Variants in CNTN4 observed in about 807,000 individuals in gnomAD.
CNTN4 encodes contactin-4.
A neutral mutation model predicts 122.5 loss-of-function variants in CNTN4; 77 were observed. The observed-to-expected ratio is 0.63, with a 90% CI of 0.52 to 0.76. The LOEUF (loss-of-function observed/expected upper bound fraction) is 0.76, where lower values mean the gene tolerates loss of function less well. Ranked by LOEUF, CNTN4 falls within the 30% of genes least tolerant of loss-of-function variation. The pLI is 0.00. For missense variants in CNTN4, 1,256 were observed against 1,259.1 expected, an observed-to-expected ratio of 1.00 and a Z score of 0.04; for synonymous variants, 512 against 447.0, an observed-to-expected ratio of 1.15 and a Z score of -1.83.
intron 8 of CNTN4, among the ~76,000 whole-genome samples, chr3:2,882,242 G>A (rs957061517): frequency 1.3e-5 from 2 of 152,024 alleles, no homozygotes; most frequent in South Asian, 4.1e-4. Flanking sequence ...GTGCACAACT[G>A]TAGTCCTAGC....
intron 4 of CNTN4, among the ~76,000 whole-genome samples, chr3:2,572,208 G>A (rs573655753): frequency 1.1e-4 from 17 of 152,198 alleles, no homozygotes; most frequent in Non-Finnish European, 1.6e-4. Context: ...GTAACATGGC[G>A]AAAGCTCATC....
chr3:2,547,050 A>T (rs2078273592), intron 3 of CNTN4, among the ~76,000 whole-genome samples: 2 of 152,138 alleles, frequency 1.3e-5, no homozygotes, highest in Non-Finnish European at 2.9e-5. Context: ...GGAAAAGCTT[A>T]GCCACAGATT....
At chr3:2,808,851 C>T (rs2092535769) in intron 6 of CNTN4, among the ~76,000 whole-genome samples, 1 of 152,176 alleles carries the variant, frequency 6.6e-6, no homozygotes, top group Non-Finnish European at 1.5e-5. Flanking sequence ...GCTTCCCTGG[C>T]TATTGAGCAT....
chr3:2,163,464 C>T (rs964972567), intron 2 of CNTN4, among the ~76,000 whole-genome samples: 1 of 151,992 alleles, frequency 6.6e-6, no homozygotes, highest in Non-Finnish European at 1.5e-5. Context: ...TGACTAAGGA[C>T]CCAAAAGCAA....
At chr3:2,811,936 G>A (rs1007613802) in intron 6 of CNTN4, among the ~76,000 whole-genome samples, 3 of 152,122 alleles carry the variant, frequency 2.0e-5, no homozygotes, top group Admixed American at 2.0e-4. Flanking sequence ...AAAGTGCGGC[G>A]ATTACAGGCA....
At chr3:2,373,066 GATAA>G (rs747555070) in intron 3 of CNTN4, among the ~76,000 whole-genome samples, 1 of 151,966 alleles carries the variant, frequency 6.6e-6, no homozygotes, top group Non-Finnish European at 1.5e-5. Flanking sequence ...AATAAAATAA[GATAA>G]ATAGATTGAC....
intron 4 of CNTN4, among the ~76,000 whole-genome samples, chr3:2,700,028 C>T (rs190741719): frequency 6.6e-6 from 1 of 152,058 alleles, no homozygotes; most frequent in African/African-American, 2.4e-5. Context: ...TGAACATGAA[C>T]CTGTCCTTCT....
intron 4 of CNTN4, among the ~76,000 whole-genome samples, chr3:2,705,681 TTA>T (rs1226924082): frequency 1.1e-5 from 1 of 92,482 alleles, no homozygotes; most frequent in Non-Finnish European, 1.8e-5. Context: ...ATATTGTATA[TTA>T]TATATAAATA....
chr3:2,565,406 G>A (rs555214647), intron 3 of CNTN4, among the ~76,000 whole-genome samples: 72 of 152,258 alleles, frequency 4.7e-4, no homozygotes, highest in African/African-American at 1.5e-3. Flanking sequence ...GGTAGATAGA[G>A]TATAAAGCTG....
At chr3:2,746,681 C>G (rs2089787683) in intron 6 of CNTN4, among the ~76,000 whole-genome samples, 1 of 152,170 alleles carries the variant, frequency 6.6e-6, no homozygotes, top group African/African-American at 2.4e-5. Flanking sequence ...AACTCAACAT[C>G]CAATATACCT....
chr3:2,617,419 CTTTTTTTT>C (rs71058631), intron 4 of CNTN4, among the ~76,000 whole-genome samples: 1 of 108,528 alleles, frequency 9.2e-6, no homozygotes, highest in Non-Finnish European at 1.8e-5. Context: ...AGAGAAATGC[CTTTTTTTT>C]TTTTTTTTTT....
chr3:2,423,484 T>G (rs1430695106), intron 3 of CNTN4, among the ~76,000 whole-genome samples: 1 of 152,012 alleles, frequency 6.6e-6, no homozygotes, highest in East Asian at 1.9e-4. Flanking sequence ...AAACTTGTTT[T>G]TTTTTTTTTT....
At chr3:2,263,008 G>C (rs2040898100) in intron 2 of CNTN4, among the ~76,000 whole-genome samples, 1 of 152,100 alleles carries the variant, frequency 6.6e-6, no homozygotes, top group Non-Finnish European at 1.5e-5. Context: ...CCCAGTAGTT[G>C]TGGTACAACT....
chr3:2,246,414 T>C (rs2040151713), intron 2 of CNTN4, among the ~76,000 whole-genome samples: 2 of 152,072 alleles, frequency 1.3e-5, no homozygotes, highest in Admixed American at 1.3e-4. Context: ...TTTGCTATCA[T>C]ATTACATTTT....
intron 4 of CNTN4, among the ~76,000 whole-genome samples, chr3:2,664,781 C>T (rs911620843): frequency 3.4e-4 from 52 of 152,232 alleles, no homozygotes; most frequent in African/African-American, 1.0e-3. Context: ...TTATTCAAAG[C>T]GTGATGCTTA....
intron 2 of CNTN4, among the ~76,000 whole-genome samples, chr3:2,240,608 TAGAC>T (rs1275522679): frequency 6.6e-6 from 1 of 152,120 alleles, no homozygotes; most frequent in Non-Finnish European, 1.5e-5. Flanking sequence ...GAACAATAGT[TAGAC>T]AGTGTCGGTT....
intron 3 of CNTN4, among the ~76,000 whole-genome samples, chr3:2,484,768 T>C (rs1018484037): frequency 1.4e-4 from 22 of 152,318 alleles, no homozygotes; most frequent in Middle Eastern, 3.4e-3. Flanking sequence ...CTCACAGCCC[T>C]TGCTCGCTCT....
rs531654434 is a variant in CNTN4 at position 2,438,035 on chromosome 3, T to G, written c.-89+98802T>G. On this transcript the variant is annotated intron_variant, in intron 3 of 24. Transcript: ENST00000418658. ...GGGGATGCCCTGCCTCCAGCCAGAG[T>G]GGTTTTGCCTACCTTACCTTCTAAT... Among the ~76,000 whole-genome samples, 11 of 152,288 alleles carry G rather than the reference T, an allele frequency of 7.2e-5. 1 individual carries two copies. The South Asian group carries it at 2.1e-3, about 29-fold the overall frequency.
chr3:2,669,699 G>A lies in CNTN4; in HGVS notation c.56-66516G>A, dbSNP rs182921512. Among the ~76,000 whole-genome samples the A allele has an allele frequency of 1.0e-2, 1,514 of 152,098 alleles. 16 individuals are homozygous for A. The highest frequency in any genetic ancestry group is 0.016 in the Non-Finnish European group (1,104 of 67,962). ...ATTGTGATGTTAGGGTGTCAATTTT[G>A]GATCTTTCCTGCTTTCTCTTGTGGG... On this transcript the variant is annotated intron_variant, in intron 4 of 24. Coordinates refer to ENST00000418658, the MANE Select transcript of CNTN4 (RefSeq NM_175607.3).
Sources: gnomAD v4.1 joint callset for allele counts (sites outside exome capture counted in the v4.1 genomes callset) on GRCh38, gnomAD v4.1.1 for gene constraint, MANE v1.5 for transcripts, NCBI Gene and HGNC (gene_info 2026-07-23, HGNC 2026-07-21) for gene names.